The following OPRM1 variants were observed in gnomAD, a reference collection of about 807,000 sequenced individuals.
The protein encoded by OPRM1 is opioid receptor mu 1.
A neutral mutation model predicts 31.8 loss-of-function variants in OPRM1; 27 were observed. The observed-to-expected ratio is 0.85, with a 90% CI of 0.63 to 1.17. The LOEUF (loss-of-function observed/expected upper bound fraction) is 1.17. OPRM1 is among the 50% of genes most tolerant of loss of function. The pLI is 0.00. For missense variants in OPRM1, 536 were observed against 511.1 expected, an observed-to-expected ratio of 1.05 and a Z score of -0.47; for synonymous variants, 196 against 189.9, an observed-to-expected ratio of 1.03 and a Z score of -0.26.
chr6:154,218,370 T>A (rs1295025204), intron 3 of OPRM1, among the ~76,000 whole-genome samples: 1 of 152,222 alleles, frequency 6.6e-6, no homozygotes. Flanking sequence ...TACTTTTAAA[T>A]TGAGACTCAC....
rs2128534008 is a variant in OPRM1, at chr6:154,131,349, T to C, written c.*12628T>C. Among the ~76,000 whole-genome samples, 1 of 152,352 alleles carries C rather than the reference T, an allele frequency of 6.6e-6. No individual in the cohort carries two copies. The highest frequency in any genetic ancestry group is 2.1e-4 in the South Asian group (1 of 4,826). On this transcript the variant is annotated 3_prime_UTR_variant, in exon 4 of 4. Coordinates refer to ENST00000330432, the MANE Select transcript of OPRM1 (RefSeq NM_000914.5). Reference sequence around the variant, plus strand: ...ACAAACTATTTTTCCTCTCCAGGAATAAGAATGGCAACTGAATTGTTCCTT... The same window carrying C: ...ACAAACTATTTTTCCTCTCCAGGAACAAGAATGGCAACTGAATTGTTCCTT...
chr6:154,197,456 C>A (rs1005408571), intron 3 of OPRM1, among the ~76,000 whole-genome samples: 1 of 152,154 alleles, frequency 6.6e-6, no homozygotes, highest in African/African-American at 2.4e-5. Flanking sequence ...CATATGAGAA[C>A]TGCCAACAAA....
At chr6:154,201,443 T>C (rs978303073) in intron 3 of OPRM1, among the ~76,000 whole-genome samples, 4 of 152,238 alleles carry the variant, frequency 2.6e-5, no homozygotes, top group African/African-American at 9.6e-5. Flanking sequence ...TGTTCCTCCA[T>C]TTTTAACTTT....
chr6:154,152,350 A>AAAG (rs1798548456), intron 3 of OPRM1, among the ~76,000 whole-genome samples: 7 of 145,186 alleles, frequency 4.8e-5, no homozygotes, highest in African/African-American at 1.6e-4. Flanking sequence ...AAAGAAAGGA[A>AAAG]AGAAAGAAAG....
At chr6:154,221,405 A>G in intron 3 of OPRM1, 2 of 1,107,616 alleles carry the variant, frequency 1.8e-6, no homozygotes, top group South Asian at 2.7e-5. Context: ...AAATCAGTAA[A>G]ATACAAGCTT....
chr6:154,015,024 A>G (rs1777926099), intron 1 of OPRM1, among the ~76,000 whole-genome samples: 1 of 146,174 alleles, frequency 6.8e-6, no homozygotes, highest in South Asian at 2.5e-4. Flanking sequence ...CACTCTTCAA[A>G]GACACAAAAG....
At chr6:154,156,348 C>T (rs144500658) in intron 3 of OPRM1, 1 of 152,356 alleles carries the variant, frequency 6.6e-6, no homozygotes, top group East Asian at 1.9e-4. Flanking sequence ...AGTCAAACTT[C>T]TTGGTTTCCT....
chr6:154,111,015 T>C (rs1366161635), intron 3 of OPRM1, among the ~76,000 whole-genome samples: 1 of 151,990 alleles, frequency 6.6e-6, no homozygotes, highest in African/African-American at 2.4e-5. Flanking sequence ...CTTTCTCTTG[T>C]GAAAGAAAGA....
chr6:154,174,946 A>G (rs1800191362), intron 3 of OPRM1, among the ~76,000 whole-genome samples: 1 of 152,226 alleles, frequency 6.6e-6, no homozygotes, highest in South Asian at 2.1e-4. Context: ...AGCAAATGTA[A>G]AAGAAAAGAA....
intron 3 of OPRM1, among the ~76,000 whole-genome samples, chr6:154,205,528 G>A (rs1365432738): frequency 1.3e-5 from 2 of 152,208 alleles, no homozygotes; most frequent in Non-Finnish European, 2.9e-5. Flanking sequence ...CCAGGAGGCG[G>A]AAGTTGCAGT....
At position 154,125,789 on chromosome 6, in the gene OPRM1, A is replaced by AT. The variant is rs543695202; in HGVS notation, c.*7099dup. ...TTTGCATTGCCCACTAAGGCTAGAC[A>AT]TTTTTTTTTTTTTTTTTTTTTTTTT... On this transcript the variant is annotated 3_prime_UTR_variant, in exon 4 of 4. Transcript: ENST00000330432. 0.014 allele frequency among the ~76,000 whole-genome samples: 295 copies of AT among 21,406 alleles called. 73 individuals are homozygous for AT. The highest frequency in any genetic ancestry group is 0.02 in the South Asian group (3 of 152). 14.0% of individuals were successfully genotyped at this position (21,406 alleles called of 152,430 possible).
rs1295177449 is a variant in OPRM1, at chr6:154,039,490, A to G, written c.-55A>G. The stretch of plus-strand genomic sequence containing the variant: ...CGGCTGAGGCGCTTGGAACCCGAAA[A>G]GTCTCGGTGCTCCTGGCTACCTCGC... On this transcript the variant is annotated 5_prime_UTR_variant, in exon 1 of 4. Coordinates refer to ENST00000330432, the MANE Select transcript of OPRM1 (RefSeq NM_000914.5). The G allele has an allele frequency of 2.6e-6, 4 of 1,566,210 alleles. No individual in the cohort carries two copies. Among genetic ancestry groups the G allele is most frequent in the Non-Finnish European group, 3.5e-6 (4 of 1,155,182 alleles).
At chr6:154,054,225 C>T (rs984928182) in intron 1 of OPRM1, among the ~76,000 whole-genome samples, 2 of 151,972 alleles carry the variant, frequency 1.3e-5, no homozygotes, top group Non-Finnish European at 1.5e-5. Context: ...AAAAATTAGC[C>T]GGGCATGGCG....
intron 3 of OPRM1, chr6:154,107,431 T>G (rs1795740076): frequency 1.4e-6 from 1 of 718,060 alleles, no homozygotes; most frequent in Admixed American, 2.0e-5. Flanking sequence ...ACGTCTTCAC[T>G]CAGATATTAA....
intron 3 of OPRM1, among the ~76,000 whole-genome samples, chr6:154,113,789 A>G (rs978209648): frequency 2.0e-5 from 3 of 152,202 alleles, no homozygotes; most frequent in African/African-American, 7.2e-5. Context: ...CGGGTTGGCA[A>G]TCAGAGCTGC....
rs1562510629 is a variant in OPRM1, at chr6:154,152,336, A to AAAAGAAAAGG, written c.1164+60866_1164+60867insAGAAAAGGAA. Among the ~76,000 whole-genome samples, 14 of 12,640 alleles carry AAAAGAAAAGG rather than the reference A, an allele frequency of 1.1e-3. No homozygotes were observed. The East Asian group carries it at 0.066, about 59-fold the overall frequency. The allele number at this position is 12,640 out of a possible 152,430, so 8.3% of individuals were successfully genotyped here. ...GAAAGAAAGAAAGAAAGAAAGAAAG[A>AAAAGAAAAGG]AAGAAAGAAAGGAAAGAAAGAAAGA... is the stretch of plus-strand genomic sequence containing the variant. On this transcript the variant is annotated intron_variant, in intron 3 of 3. Transcript: ENST00000337049.
At chr6:154,214,594 T>A (rs566601971) in intron 3 of OPRM1, among the ~76,000 whole-genome samples, 7 of 152,348 alleles carry the variant, frequency 4.6e-5, no homozygotes, top group African/African-American at 1.4e-4. Context: ...TTAGCAACCA[T>A]CAAATCCTTT....
chr6:154,035,243 T>C (rs1253411176), upstream of OPRM1, among the ~76,000 whole-genome samples: 1 of 152,162 alleles, frequency 6.6e-6, no homozygotes, highest in Non-Finnish European at 1.5e-5. Flanking sequence ...TTCATCCACT[T>C]TATTCTAGAT....
chr6:154,189,364 C>T (rs1801661768), intron 3 of OPRM1, among the ~76,000 whole-genome samples: 1 of 152,102 alleles, frequency 6.6e-6, no homozygotes, highest in Admixed American at 6.5e-5. Flanking sequence ...TCATGGCCAG[C>T]AATTCCATTT....
Sources: gnomAD v4.1 joint callset for allele counts (sites outside exome capture counted in the v4.1 genomes callset) on GRCh38, gnomAD v4.1.1 for gene constraint, MANE v1.5 for transcripts, NCBI Gene and HGNC (gene_info 2026-07-23, HGNC 2026-07-21) for gene names.